Variants in DOCK7 observed in about 807,000 individuals in gnomAD.
The protein encoded by DOCK7 is dedicator of cytokinesis protein 7.
DOCK7 carries 138 observed loss-of-function variants against 271.0 expected under a neutral mutation model. The ratio of observed to expected loss-of-function variants is 0.51; its 90% CI spans 0.44 to 0.59. The LOEUF is 0.59. Among genes scored for constraint, DOCK7 ranks in the 20% least tolerant of loss-of-function variants. DOCK7 has a pLI of 0.00. For synonymous variants in DOCK7, 823 were observed against 876.1 expected, an observed-to-expected ratio of 0.94 and a Z score of 1.07; for missense variants, 2,066 against 2,592.4, an observed-to-expected ratio of 0.80 and a Z score of 4.41.
intron 1 of DOCK7, among the ~76,000 whole-genome samples, chr1:62,678,782 AT>A (rs938236899): frequency 1.7e-4 from 26 of 152,308 alleles, no homozygotes; most frequent in African/African-American, 6.0e-4. Context: ...TGTAAAAAAA[AT>A]ACTGTATAAC....
At chr1:62,515,164 A>G (rs953955817) in intron 31 of DOCK7, among the ~76,000 whole-genome samples, 20 of 150,998 alleles carry the variant, frequency 1.3e-4, no homozygotes, top group Non-Finnish European at 2.5e-4. Flanking sequence ...CCTGACCACC[A>G]GAAGTATTTT....
At chr1:62,651,401 T>A (rs1657345475) in intron 4 of DOCK7, among the ~76,000 whole-genome samples, 1 of 147,056 alleles carries the variant, frequency 6.8e-6, no homozygotes. Context: ...TATACATATG[T>A]AACAAACCTG....
intron 31 of DOCK7, 55 bp downstream of exon 31, chr1:62,528,096 C>G: frequency 1.3e-6 from 2 of 1,550,908 alleles, no homozygotes; most frequent in Non-Finnish European, 1.7e-6. Context: ...AGGGCATATC[C>G]TAGTAAATAT....
intron 49 of DOCK7, among the ~76,000 whole-genome samples, chr1:62,456,984 A>G (rs1645366250): frequency 6.6e-6 from 1 of 152,218 alleles, no homozygotes. Context: ...CCTTTCCAGA[A>G]TTCCGGTACT....
intron 48 of DOCK7, among the ~76,000 whole-genome samples, chr1:62,471,598 G>A (rs1409926172): frequency 1.3e-5 from 2 of 152,212 alleles, no homozygotes; most frequent in African/African-American, 4.8e-5. Context: ...AGGCTGCAGT[G>A]AGTTGTGATT....
chr1:62,502,865 G>A (rs987456500), intron 37 of DOCK7, among the ~76,000 whole-genome samples: 2 of 152,106 alleles, frequency 1.3e-5, no homozygotes, highest in Non-Finnish European at 2.9e-5. Flanking sequence ...TTCAATTAGA[G>A]GTTGGATCAC....
At chr1:62,458,041 A>G (rs1387971104) in intron 48 of DOCK7, 1 of 216,294 alleles carries the variant, frequency 4.6e-6, no homozygotes, top group East Asian at 1.1e-4. Context: ...AGCCCCAGCT[A>G]TTCATGAGGC....
At chr1:62,662,973 G>A (rs1362255122) in intron 2 of DOCK7, 52 bp downstream of exon 2, 3 of 1,399,864 alleles carry the variant, frequency 2.1e-6, no homozygotes, top group Non-Finnish European at 2.0e-6. Flanking sequence ...TTTTTTCATG[G>A]CCTAGTCAAT....
chr1:62,617,315 A>G (rs1185581405), intron 14 of DOCK7, among the ~76,000 whole-genome samples: 1 of 152,014 alleles, frequency 6.6e-6, no homozygotes, highest in Non-Finnish European at 1.5e-5. Flanking sequence ...ATAGACTGTT[A>G]GAAAAAATTC....
At chr1:62,608,477 A>G (rs1056426631) in intron 14 of DOCK7, 1 of 152,226 alleles carries the variant, frequency 6.6e-6, no homozygotes, top group Non-Finnish European at 1.5e-5. Flanking sequence ...TTCTTCCACA[A>G]ATATTCTAGT....
At chr1:62,566,000 A>G (rs547280113) in intron 18 of DOCK7, among the ~76,000 whole-genome samples, 89 of 152,286 alleles carry the variant, frequency 5.8e-4, no homozygotes, top group African/African-American at 2.0e-3. Flanking sequence ...TACAAGGGGT[A>G]TGAAGGACCT....
At chr1:62,494,133 T>G in intron 40 of DOCK7, 142 bp downstream of exon 40, 3 of 669,576 alleles carry the variant, frequency 4.5e-6, no homozygotes, top group South Asian at 3.1e-5. Flanking sequence ...ACAATCACTG[T>G]GAAATGTTAA....
intron 14 of DOCK7, among the ~76,000 whole-genome samples, 158 bp from the exon 15 acceptor site, chr1:62,586,782 G>A (rs1355793776): frequency 6.6e-6 from 1 of 152,156 alleles, no homozygotes; most frequent in Non-Finnish European, 1.5e-5. Flanking sequence ...ATTTACTCCT[G>A]AGAGCAATCA....
chr1:62,478,887 T>C (rs2149264690), intron 43 of DOCK7: 1 of 152,188 alleles, frequency 6.6e-6, no homozygotes, highest in East Asian at 1.9e-4. Context: ...ACAAAGTACA[T>C]TAAGATCACC....
At position 62,466,760 on chromosome 1, in the gene DOCK7, C is replaced by T. The variant is rs532738878; in HGVS notation, c.6212+7222G>A. 2.0e-5 allele frequency among the ~76,000 whole-genome samples: 3 copies of T among 151,804 alleles called. No homozygotes were observed. In the South Asian group the frequency reaches 6.2e-4, roughly 32 times the overall value. On this transcript the variant is annotated intron_variant, in intron 48 of 49. Transcript: ENST00000635253. The stretch of plus-strand genomic sequence containing the variant: ...AAGCCTGACCAACATGGCAAGACCC[C>T]ATATACAAAAATTAGCCAGGTGTGG...
At chr1:62,619,478 T>C (rs1322140183) in intron 13 of DOCK7, among the ~76,000 whole-genome samples, 2 of 152,192 alleles carry the variant, frequency 1.3e-5, no homozygotes. Flanking sequence ...ATGCCTACAA[T>C]AAAGTTAAAT....
At chr1:62,637,308 T>C (rs1655398999) in intron 7 of DOCK7, among the ~76,000 whole-genome samples, 1 of 152,188 alleles carries the variant, frequency 6.6e-6, no homozygotes, top group African/African-American at 2.4e-5. Flanking sequence ...CTAAGAACAA[T>C]GACTTACATA....
intron 2 of DOCK7, among the ~76,000 whole-genome samples, chr1:62,660,703 T>A (rs957679491): frequency 6.6e-6 from 1 of 152,226 alleles, no homozygotes; most frequent in African/African-American, 2.4e-5. Flanking sequence ...ATAGCAGCAT[T>A]ATTCACAATA....
chr1:62,513,687 T>G (rs1644569942), intron 32 of DOCK7, 29 bp downstream of exon 32: 1 of 1,608,926 alleles, frequency 6.2e-7, no homozygotes, highest in Non-Finnish European at 8.5e-7. Context: ...TCCTTTCTTG[T>G]TCTTTGCAAT....
Sources: gnomAD v4.1 joint callset for allele counts (sites outside exome capture counted in the v4.1 genomes callset) on GRCh38, gnomAD v4.1.1 for gene constraint, MANE v1.5 for transcripts, NCBI Gene and HGNC (gene_info 2026-07-23, HGNC 2026-07-21) for gene names.